Variants in CNTN5 observed in about 807,000 individuals in gnomAD.
The protein encoded by CNTN5 is contactin-5.
A neutral mutation model predicts 129.1 loss-of-function variants in CNTN5; 77 were observed. The ratio of observed to expected loss-of-function variants is 0.60; its 90% CI spans 0.50 to 0.72. CNTN5 has a LOEUF of 0.72. Among genes scored for constraint, CNTN5 ranks in the 30% least tolerant of loss-of-function variants. The pLI is 0.00. For missense variants in CNTN5, 1,478 were observed against 1,328.8 expected, an observed-to-expected ratio of 1.11 and a Z score of -1.75; for synonymous variants, 509 against 465.6, an observed-to-expected ratio of 1.09 and a Z score of -1.20.
At chr11:99,904,106 C>T (rs1182959809) in intron 6 of CNTN5, among the ~76,000 whole-genome samples, 1 of 152,078 alleles carries the variant, frequency 6.6e-6, no homozygotes, top group Non-Finnish European at 1.5e-5. Flanking sequence ...GTTCTATCAT[C>T]ATATATAGAT....
intron 13 of CNTN5, among the ~76,000 whole-genome samples, chr11:100,078,971 A>C (rs1342697589): frequency 6.6e-6 from 1 of 152,186 alleles, no homozygotes; most frequent in East Asian, 1.9e-4. Context: ...ACGTACAATC[A>C]TGGCGTAAGG....
intron 3 of CNTN5, among the ~76,000 whole-genome samples, chr11:99,786,894 G>A (rs950981860): frequency 6.6e-6 from 1 of 151,954 alleles, no homozygotes; most frequent in Non-Finnish European, 1.5e-5. Context: ...CTTTCATTCA[G>A]TTTACCTCAG....
chr11:99,340,780 T>C (rs1043556544), intron 2 of CNTN5, among the ~76,000 whole-genome samples: 20 of 152,218 alleles, frequency 1.3e-4, no homozygotes, highest in Non-Finnish European at 2.9e-4. Flanking sequence ...TATAAAATAA[T>C]TTAATGAAAG....
intron 6 of CNTN5, among the ~76,000 whole-genome samples, chr11:99,853,035 A>G (rs1947923044): frequency 6.6e-6 from 1 of 152,178 alleles, no homozygotes; most frequent in Admixed American, 6.5e-5. Context: ...GTATAAAGAC[A>G]CCAATATAGT....
intron 21 of CNTN5, chr11:100,308,790 CCTTT>C (rs1416954179): frequency 3.0e-6 from 3 of 995,478 alleles, no homozygotes; most frequent in African/African-American, 3.5e-5. Flanking sequence ...TTTGTGTCTT[CCTTT>C]CTAATAATTT....
chr11:99,379,495 C>T (rs941749960), intron 2 of CNTN5, among the ~76,000 whole-genome samples: 22 of 151,816 alleles, frequency 1.4e-4, no homozygotes, highest in Admixed American at 1.2e-3. Flanking sequence ...AAAATATAAT[C>T]GATATGACAT....
At chr11:100,030,307 C>A (rs947503387) in intron 9 of CNTN5, among the ~76,000 whole-genome samples, 1 of 152,134 alleles carries the variant, frequency 6.6e-6, no homozygotes, top group Non-Finnish European at 1.5e-5. Flanking sequence ...CTGAGCCCAG[C>A]AGTTTGAGGC....
intron 18 of CNTN5, among the ~76,000 whole-genome samples, chr11:100,280,495 G>C (rs932351617): frequency 4.0e-5 from 6 of 151,882 alleles, no homozygotes; most frequent in African/African-American, 1.4e-4. Context: ...TATGAATATA[G>C]CTACTACTGC....
At chr11:99,549,843 TTA>T (rs1226591822) in intron 2 of CNTN5, among the ~76,000 whole-genome samples, 2 of 152,116 alleles carry the variant, frequency 1.3e-5, no homozygotes, top group African/African-American at 4.8e-5. Context: ...TCTAGAGTAG[TTA>T]TCTTTTTTTC....
chr11:99,406,513 G>A (rs544889728), intron 2 of CNTN5, among the ~76,000 whole-genome samples: 5 of 151,964 alleles, frequency 3.3e-5, no homozygotes, highest in African/African-American at 7.2e-5. Context: ...AAGCCAGCAC[G>A]GTATTGAGTC....
At chr11:99,696,249 G>A (rs575853630) in intron 3 of CNTN5, among the ~76,000 whole-genome samples, 1 of 152,186 alleles carries the variant, frequency 6.6e-6, no homozygotes, top group African/African-American at 2.4e-5. Flanking sequence ...TTCCTTACAT[G>A]TCTATGAGGA....
Position 100,162,607 on chromosome 11 carries a change from A to G in CNTN5, c.1581-28519A>G, listed in dbSNP as rs559125017. On this transcript the variant is annotated intron_variant, in intron 13 of 24. Transcript: ENST00000524871. ...TATTGCTTTTCTCACCTTGTTAGAT[A>G]TAACTCATTCACACAACTAGATCAG... Among the ~76,000 whole-genome samples the G allele has an allele frequency of 3.2e-4, 48 of 151,964 alleles. No individual in the cohort carries two copies. The Middle Eastern group carries it at 0.014, about 43-fold the overall frequency.
At chr11:99,357,129 T>TGCTTAGGAA in intron 2 of CNTN5, among the ~76,000 whole-genome samples, 1 of 151,844 alleles carries the variant, frequency 6.6e-6, no homozygotes. Context: ...GCCTAAGGAA[T>TGCTTAGGAA]TTGATCAGGG....
At chr11:100,254,534 A>G (rs1004295566) in intron 16 of CNTN5, among the ~76,000 whole-genome samples, 3 of 152,144 alleles carry the variant, frequency 2.0e-5, no homozygotes, top group East Asian at 3.8e-4. Flanking sequence ...TCTATCTTCT[A>G]TATCTTTAGT....
intron 4 of CNTN5, among the ~76,000 whole-genome samples, chr11:99,829,418 A>C (rs1947067573): frequency 6.6e-6 from 1 of 152,204 alleles, no homozygotes. Flanking sequence ...AAAATAATCA[A>C]GAAAGGCACA....
intron 13 of CNTN5, among the ~76,000 whole-genome samples, chr11:100,182,459 C>A (rs1948166391): frequency 6.6e-6 from 1 of 151,960 alleles, no homozygotes; most frequent in Non-Finnish European, 1.5e-5. Flanking sequence ...ACCTTACTAC[C>A]ATCCAAAGAC....
chr11:99,280,716 A>T (rs912143187), intron 1 of CNTN5, among the ~76,000 whole-genome samples: 1 of 151,796 alleles, frequency 6.6e-6, no homozygotes, highest in Non-Finnish European at 1.5e-5. Context: ...AGCCCCAAAG[A>T]CTTTTCATAT....
chr11:99,163,657 T>C (rs1407558592), intron 1 of CNTN5, among the ~76,000 whole-genome samples: 1 of 152,198 alleles, frequency 6.6e-6, no homozygotes, highest in African/African-American at 2.4e-5. Flanking sequence ...TTCCCTGTTA[T>C]GTTATAAAGT....
intron 9 of CNTN5, among the ~76,000 whole-genome samples, chr11:100,045,029 C>A (rs1274175062): frequency 6.6e-6 from 1 of 152,046 alleles, no homozygotes; most frequent in Non-Finnish European, 1.5e-5. Context: ...GTTTTCTCTC[C>A]TACTGCAAGA....
Sources: allele counts gnomAD v4.1 joint callset (sites outside exome capture counted in the v4.1 genomes callset), GRCh38; gene constraint gnomAD v4.1.1; transcripts MANE v1.5; gene names NCBI Gene and HGNC (gene_info 2026-07-23, HGNC 2026-07-21).